PATL2: variants seen among roughly 807,000 people sequenced by gnomAD.
PATL2 encodes the protein protein PAT1 homolog 2.
Under a neutral mutation model 77.0 loss-of-function variants are expected in PATL2, and 73 were observed. That is an observed-to-expected ratio of 0.95 (90% CI 0.78 to 1.15). The LOEUF is 1.15. Among genes scored for constraint, PATL2 ranks in the 50% most tolerant of loss-of-function variants. The pLI is 0.00. For missense variants in PATL2, 618 were observed against 655.4 expected (o/e 0.94, Z 0.62); for synonymous variants, 265 against 257.1 (o/e 1.03, Z -0.29).
At chr15:44,685,117 C>T (rs1223640636) in intron 3 of PATL2, among the ~76,000 whole-genome samples, 1 of 152,236 alleles carries the variant, frequency 6.6e-6, no homozygotes, top group Non-Finnish European at 1.5e-5. Flanking sequence ...TGGAAAGGAA[C>T]AACCGATACC....
At chr15:44,681,686 G>C (rs926315857) in intron 3 of PATL2, among the ~76,000 whole-genome samples, 1 of 152,142 alleles carries the variant, frequency 6.6e-6, no homozygotes, top group Non-Finnish European at 1.5e-5. Context: ...AGGGATCAAG[G>C]ATCTGCAAAG....
Position 44,673,584 on chromosome 15 carries a change from C to T in PATL2, c.304-207G>A, listed in dbSNP as rs554341306. ...TCAACAGGGCTTGACTAGGAAGCAGCTCTTCATTCCCTGACAATGCAGGGT... is the reference window on the plus strand; with the variant it reads ...TCAACAGGGCTTGACTAGGAAGCAGTTCTTCATTCCCTGACAATGCAGGGT... On this transcript the variant is annotated intron_variant, in intron 6 of 17. Coordinates refer to ENST00000682850, the MANE Select transcript of PATL2 (RefSeq NM_001387263.1). Among the ~76,000 whole-genome samples, 57 of 152,302 alleles carry T rather than the reference C, an allele frequency of 3.7e-4. No homozygotes were observed. The South Asian group carries it at 0.01, about 28-fold the overall frequency.
rs147129369 is a variant in PATL2, at chr15:44,698,654, T to C, written c.-76+11442A>G. ...TCTTCATTCATCTGTTGATGGACAC[T>C]TAGGTTGCTTCCAAATCTTGACTAT... On this transcript the variant is annotated intron_variant, in intron 3 of 17. Coordinates refer to ENST00000682850, the MANE Select transcript of PATL2 (RefSeq NM_001387263.1). Among the ~76,000 whole-genome samples, 5 of 152,368 alleles carry C rather than the reference T, an allele frequency of 3.3e-5. No homozygotes were observed. The East Asian group carries it at 9.6e-4, about 29-fold the overall frequency.
intron 5 of PATL2, 72 bp from the exon 6 acceptor site, chr15:44,674,302 T>C (rs2085842097): frequency 8.2e-7 from 1 of 1,214,360 alleles, no homozygotes; most frequent in East Asian, 2.6e-5. Context: ...CCTGTGTTTT[T>C]GAGGTGGTGG....
At chr15:44,682,699 A>G (rs532675403) in intron 3 of PATL2, among the ~76,000 whole-genome samples, 86 of 152,378 alleles carry the variant, frequency 5.6e-4, no homozygotes, top group African/African-American at 2.0e-3. Context: ...AGATTTCACT[A>G]AAGAAAGTTA....
intron 3 of PATL2, among the ~76,000 whole-genome samples, chr15:44,679,891 T>C (rs2086094242): frequency 6.6e-6 from 1 of 152,210 alleles, no homozygotes; most frequent in Admixed American, 6.5e-5. Flanking sequence ...CCACAAGTAA[T>C]AGCAGAATCC....
chr15:44,668,019 A>G (rs1054900907), intron 15 of PATL2, among the ~76,000 whole-genome samples: 11 of 152,202 alleles, frequency 7.2e-5, no homozygotes, highest in African/African-American at 2.7e-4. Context: ...ACACATGGGT[A>G]GTGTGGTTTA....
chr15:44,691,915 T>C (rs2086401814), intron 3 of PATL2, among the ~76,000 whole-genome samples: 2 of 151,788 alleles, frequency 1.3e-5, no homozygotes. Flanking sequence ...AGAGGGAGGA[T>C]AACCTGGTAC....
At chr15:44,691,402 A>G (rs1392305187) in intron 3 of PATL2, among the ~76,000 whole-genome samples, 3 of 152,184 alleles carry the variant, frequency 2.0e-5, no homozygotes, top group Non-Finnish European at 1.5e-5. Context: ...TCATGCCTGT[A>G]ATCCCAGTAC....
Position 44,674,147 on chromosome 15 carries a change from C to T in PATL2, c.303+3G>A. ...CACAGTATGGAGACTGCAGCAGACTCACCTGCCACAGAAAATGCAAGGAGG... is the reference window on the plus strand; with the variant it reads ...CACAGTATGGAGACTGCAGCAGACTTACCTGCCACAGAAAATGCAAGGAGG... On this transcript the variant is annotated splice_donor_region_variant and intron_variant, in intron 6 of 17. Coordinates refer to ENST00000682850, the MANE Select transcript of PATL2 (RefSeq NM_001387263.1). 6.5e-7 allele frequency: 1 copy of T among 1,544,278 alleles called. No individual in the cohort carries two copies. The highest frequency in any genetic ancestry group is 8.8e-7 in the Non-Finnish European group (1 of 1,140,488).
At chr15:44,666,692 C>T (rs1330824228) in intron 16 of PATL2, 151 bp from the exon 17 acceptor site, 2 of 746,020 alleles carry the variant, frequency 2.7e-6, no homozygotes. Flanking sequence ...TTGGTACGTG[C>T]CAAGCAATGC....
rs1437813216 is a variant in PATL2 at position 44,672,374 on chromosome 15, G to A, written c.515+14C>T. The A allele has an allele frequency of 1.3e-6, 2 of 1,551,420 alleles. No individual in the cohort carries two copies. The highest frequency in any genetic ancestry group is 1.7e-6 in the Non-Finnish European group (2 of 1,146,780). On this transcript the variant is annotated intron_variant, in intron 8 of 17. Coordinates refer to ENST00000682850, the MANE Select transcript of PATL2 (RefSeq NM_001387263.1). ...ATGGGCTCCCCTCAACCCTGCTCCT[G>A]GTCTGGGCTTTACCTTGGTGTTTGA...
intron 9 of PATL2, among the ~76,000 whole-genome samples, chr15:44,670,901 C>T (rs2085640043): frequency 6.6e-6 from 1 of 152,210 alleles, no homozygotes; most frequent in African/African-American, 2.4e-5. Flanking sequence ...GTCAGTTGCC[C>T]TCTAGGCCAG....
chr15:44,684,498 C>T (rs189307452), intron 3 of PATL2, among the ~76,000 whole-genome samples: 19 of 150,662 alleles, frequency 1.3e-4, no homozygotes, highest in African/African-American at 3.2e-4. Context: ...GGAATACCGG[C>T]GATTGAAGAT....
intron 3 of PATL2, among the ~76,000 whole-genome samples, chr15:44,704,346 C>T (rs1418264252): frequency 3.3e-5 from 5 of 151,872 alleles, no homozygotes; most frequent in Admixed American, 3.3e-4. Flanking sequence ...TTCAGGTTAC[C>T]ATAAGGCTTG....
chr15:44,666,298 C>T, intron 17 of PATL2, 94 bp downstream of exon 17: 1 of 1,441,760 alleles, frequency 6.9e-7, no homozygotes, highest in Non-Finnish European at 9.5e-7. Context: ...ATCCTTCATG[C>T]TCATAATTTA....
intron 7 of PATL2, 108 bp from the exon 8 acceptor site, chr15:44,672,564 C>A: frequency 1.8e-6 from 2 of 1,128,982 alleles, no homozygotes; most frequent in Non-Finnish European, 2.6e-6. Flanking sequence ...GGAACCTTAT[C>A]TGTTTAGGTA....
At chr15:44,691,268 T>C (rs879314839) in intron 3 of PATL2, among the ~76,000 whole-genome samples, 5 of 152,164 alleles carry the variant, frequency 3.3e-5, no homozygotes, top group Admixed American at 3.3e-4. Flanking sequence ...TAATAGGTAA[T>C]TGTCCAATGA....
rs1566852544 is a variant in PATL2, at chr15:44,672,039, G to C, written c.633C>G (p.Pro211=). Residue 211 remains proline (P), a synonymous_variant, in exon 9 of 18, where the codon CCC becomes CCG. Coordinates refer to ENST00000682850, the MANE Select transcript of PATL2 (RefSeq NM_001387263.1). ...CCTGGTAATAGTAGTCATCCAGGCG[G>C]GGTTTTGCACTCTGCAGCTGCACCA... ...VQMVQLQSAK[P]RLDDYYYQEY... is the part of the protein sequence containing the mutation. 7.1e-6 allele frequency: 11 copies of C among 1,551,692 alleles called. No individual in the cohort carries two copies. Among genetic ancestry groups the C allele is most frequent in the Non-Finnish European group, 8.7e-6 (10 of 1,146,992 alleles).
Sources: allele counts gnomAD v4.1 joint callset (sites outside exome capture counted in the v4.1 genomes callset), GRCh38; gene constraint gnomAD v4.1.1; transcripts MANE v1.5; gene names NCBI Gene and HGNC (gene_info 2026-07-23, HGNC 2026-07-21).